GABRG3: variants seen among roughly 807,000 people sequenced by gnomAD.
GABRG3 encodes the protein gamma-aminobutyric acid receptor subunit gamma-3.
GABRG3 carries 25 observed loss-of-function variants against 48.8 expected under a neutral mutation model. The ratio of observed to expected loss-of-function variants is 0.51; its 90% confidence interval spans 0.37 to 0.72. The LOEUF (loss-of-function observed/expected upper bound fraction) is 0.72, where lower values mean the gene tolerates loss of function less well. GABRG3 is among the 30% of genes least tolerant of loss of function. The probability of loss-of-function intolerance (pLI) is 0.00; values close to 1 mark genes in which losing one functional copy is unlikely to be tolerated. For synonymous variants in GABRG3, 227 were observed against 217.6 expected (o/e 1.04, Z -0.38); for missense variants, 394 against 577.9 (o/e 0.68, Z 3.26).
intron 3 of GABRG3, among the ~76,000 whole-genome samples, chr15:27,248,264 C>T (rs1890327823): frequency 6.6e-6 from 1 of 152,178 alleles, no homozygotes; most frequent in African/African-American, 2.4e-5. Flanking sequence ...GGACCTCGCG[C>T]CCTCCTAGGA....
At chr15:27,465,761 T>C (rs1414568356) in intron 5 of GABRG3, among the ~76,000 whole-genome samples, 2 of 152,334 alleles carry the variant, frequency 1.3e-5, no homozygotes, top group East Asian at 3.9e-4. Context: ...CAAATCTCTC[T>C]GGAAAAGACA....
At chr15:27,254,900 G>GACAT (rs954478776) in intron 3 of GABRG3, among the ~76,000 whole-genome samples, 8 of 151,854 alleles carry the variant, frequency 5.3e-5, no homozygotes, top group Non-Finnish European at 8.8e-5. Context: ...CAGACAGACA[G>GACAT]ACAGACATGG....
intron 3 of GABRG3, among the ~76,000 whole-genome samples, chr15:27,265,004 C>T (rs1350845542): frequency 3.3e-5 from 5 of 152,130 alleles, no homozygotes; most frequent in Non-Finnish European, 7.3e-5. Flanking sequence ...CCCTAGTTCT[C>T]ACCATTATAA....
intron 3 of GABRG3, among the ~76,000 whole-genome samples, chr15:27,174,582 T>C (rs1177333657): frequency 7.4e-6 from 1 of 134,364 alleles, no homozygotes; most frequent in Non-Finnish European, 1.5e-5. Context: ...CCTCTCTCTC[T>C]CGTCTCTCTC....
At position 26,971,241 on chromosome 15, in the gene GABRG3, G is replaced by GGCGGCGCCGCGCCAGGGGGTCC. The variant is rs1446268320; in HGVS notation, c.-294_-273dup. On this transcript the variant is annotated 5_prime_UTR_variant, in exon 1 of 10. Coordinates refer to ENST00000615808, the MANE Select transcript of GABRG3 (RefSeq NM_033223.5). ...CCCGCTCGCGGCTCCAGGCGGGGTG[G>GGCGGCGCCGCGCCAGGGGGTCC]GCGGCGCCGCGCCAGGGGGTCCCCG... is the stretch of plus-strand genomic sequence containing the variant. The GGCGGCGCCGCGCCAGGGGGTCC allele has an allele frequency of 7.3e-5, 11 of 151,380 alleles. No homozygotes were observed. The highest frequency in any genetic ancestry group is 3.9e-4 in the East Asian group (2 of 5,152). The allele number at this position is 151,380 out of a possible 1,614,324, so 9.4% of individuals were successfully genotyped here.
intron 2 of GABRG3, among the ~76,000 whole-genome samples, chr15:27,003,375 CG>C (rs1399104757): frequency 1.3e-5 from 2 of 151,518 alleles, no homozygotes; most frequent in African/African-American, 2.4e-5. Flanking sequence ...TGCGGCCTTC[CG>C]CAGTGTTTGT....
intron 3 of GABRG3, among the ~76,000 whole-genome samples, chr15:27,207,358 T>A (rs1888887963): frequency 6.6e-6 from 1 of 152,210 alleles, no homozygotes; most frequent in African/African-American, 2.4e-5. Flanking sequence ...ACAAACGAAG[T>A]GACTGAGATA....
At chr15:27,254,586 C>T (rs1276699479) in intron 3 of GABRG3, among the ~76,000 whole-genome samples, 2 of 152,040 alleles carry the variant, frequency 1.3e-5, no homozygotes, top group African/African-American at 4.8e-5. Context: ...GTGATGAGGG[C>T]CCACCTCCTG....
intron 3 of GABRG3, among the ~76,000 whole-genome samples, chr15:27,096,330 TG>T (rs1256577958): frequency 6.6e-6 from 1 of 152,212 alleles, no homozygotes; most frequent in Non-Finnish European, 1.5e-5. Context: ...GGATAAAACA[TG>T]TCCACAGACA....
At chr15:27,515,181 C>G (rs1007058371) in intron 6 of GABRG3, among the ~76,000 whole-genome samples, 1 of 152,010 alleles carries the variant, frequency 6.6e-6, no homozygotes, top group Non-Finnish European at 1.5e-5. Flanking sequence ...CAACCTCTGC[C>G]TCCCAGGTTC....
intron 3 of GABRG3, among the ~76,000 whole-genome samples, chr15:27,317,387 C>T (rs112731501): frequency 1.3e-5 from 2 of 152,162 alleles, no homozygotes; most frequent in Non-Finnish European, 2.9e-5. Context: ...CCAATGTAGT[C>T]GTGGCCTTCT....
intron 3 of GABRG3, among the ~76,000 whole-genome samples, chr15:27,164,848 G>C (rs7402147): frequency 6.6e-6 from 1 of 151,996 alleles, no homozygotes; most frequent in Non-Finnish European, 1.5e-5. Context: ...GTACACATTC[G>C]TTAGTTCTTT....
intron 3 of GABRG3, among the ~76,000 whole-genome samples, chr15:27,158,850 C>T (rs996499721): frequency 6.6e-6 from 1 of 152,124 alleles, no homozygotes; most frequent in African/African-American, 2.4e-5. Context: ...CAAATTACCA[C>T]CTGAATATTT....
At chr15:27,072,284 G>T (rs1161538212) in intron 3 of GABRG3, among the ~76,000 whole-genome samples, 1 of 152,104 alleles carries the variant, frequency 6.6e-6, no homozygotes, top group African/African-American at 2.4e-5. Context: ...CGGTAACATT[G>T]TGAGGTACAT....
chr15:27,217,491 A>T (rs1889298644), intron 3 of GABRG3, among the ~76,000 whole-genome samples: 1 of 152,066 alleles, frequency 6.6e-6, no homozygotes. Flanking sequence ...GGACCTTCTG[A>T]TGGTCTTGTC....
intron 6 of GABRG3, among the ~76,000 whole-genome samples, chr15:27,508,933 A>T (rs1566872572): frequency 1.3e-5 from 2 of 151,998 alleles, no homozygotes; most frequent in Non-Finnish European, 1.5e-5. Flanking sequence ...GTTAGCCGGG[A>T]TGCTTTCAAT....
intron 3 of GABRG3, among the ~76,000 whole-genome samples, chr15:27,065,152 A>G (rs1190572430): frequency 6.6e-6 from 1 of 152,182 alleles, no homozygotes; most frequent in Non-Finnish European, 1.5e-5. Flanking sequence ...ACTCAGGAGG[A>G]AAGGCTGTTT....
chr15:27,055,336 G>C (rs1193631888), intron 3 of GABRG3, among the ~76,000 whole-genome samples: 2 of 152,154 alleles, frequency 1.3e-5, no homozygotes, highest in Non-Finnish European at 2.9e-5. Context: ...CTGTAACTCG[G>C]GGAAATTAGT....
intron 3 of GABRG3, among the ~76,000 whole-genome samples, chr15:27,163,101 G>A (rs963268834): frequency 7.2e-5 from 11 of 151,938 alleles, no homozygotes; most frequent in Middle Eastern, 3.4e-3. Flanking sequence ...CAGCTCCCCC[G>A]ACCCACCTGC....
Sources: allele counts gnomAD v4.1 joint callset (sites outside exome capture counted in the v4.1 genomes callset), GRCh38; gene constraint gnomAD v4.1.1; transcripts MANE v1.5; gene names NCBI Gene and HGNC (gene_info 2026-07-23, HGNC 2026-07-21).